QTMAN: variants seen among roughly 807,000 people sequenced by gnomAD.
The protein encoded by QTMAN is queuosine-tRNA mannosyltransferase, also known as tRNA-queuosine alpha-mannosyltransferase.
At chr2:144,265,554 G>T in the QTMAN span, among the ~76,000 whole-genome samples, 1 of 151,892 alleles carries the variant, frequency 6.6e-6, no homozygotes, top group African/African-American at 2.4e-5. Context: ...AAAATTAGCC[G>T]GGGGTGGTGG....
the QTMAN span, among the ~76,000 whole-genome samples, chr2:144,058,437 C>T: frequency 6.6e-6 from 1 of 152,000 alleles, no homozygotes; most frequent in South Asian, 2.1e-4. Context: ...TTTCTTAACC[C>T]AGCATATTGT....
chr2:144,321,276 C>T, the QTMAN span, among the ~76,000 whole-genome samples: 6 of 152,320 alleles, frequency 3.9e-5, no homozygotes, highest in African/African-American at 1.4e-4. Flanking sequence ...CTCTTGCTGT[C>T]ACTAAAGCTT....
At chr2:143,970,605 G>A in the QTMAN span, 13 of 939,722 alleles carry the variant, frequency 1.4e-5, no homozygotes, top group East Asian at 2.4e-5. Flanking sequence ...ACGTTGTAGA[G>A]CTTATGTCAT....
the QTMAN span, among the ~76,000 whole-genome samples, chr2:144,251,242 T>C: frequency 6.6e-6 from 1 of 152,202 alleles, no homozygotes; most frequent in Non-Finnish European, 1.5e-5. Flanking sequence ...ATAACTTGTT[T>C]CTCAAATCTT....
chr2:144,099,039 T>TA, the QTMAN span, among the ~76,000 whole-genome samples: 1 of 152,178 alleles, frequency 6.6e-6, no homozygotes, highest in Non-Finnish European at 1.5e-5. Flanking sequence ...AATCTCCATA[T>TA]ATAAGCACCT....
At chr2:144,325,429 T>C in the QTMAN span, among the ~76,000 whole-genome samples, 2 of 151,690 alleles carry the variant, frequency 1.3e-5, no homozygotes, top group African/African-American at 2.4e-5. Context: ...TAGAGCAACT[T>C]TGCCTCCCCC....
the QTMAN span, among the ~76,000 whole-genome samples, chr2:144,085,036 C>T: frequency 3.9e-5 from 6 of 152,116 alleles, no homozygotes; most frequent in Non-Finnish European, 7.3e-5. Context: ...AACATTTGAC[C>T]GCTCTTTGAG....
the QTMAN span, among the ~76,000 whole-genome samples, chr2:144,327,697 A>G: frequency 2.0e-5 from 3 of 152,182 alleles, no homozygotes; most frequent in Non-Finnish European, 2.9e-5. Context: ...TCCAGAAAAC[A>G]GTATCACAGG....
At chr2:144,286,081 C>T in the QTMAN span, among the ~76,000 whole-genome samples, 2 of 152,156 alleles carry the variant, frequency 1.3e-5, no homozygotes, top group Non-Finnish European at 2.9e-5. Flanking sequence ...AGAAGACAGC[C>T]AACACACTAA....
At chr2:143,978,602 G>T in the QTMAN span, among the ~76,000 whole-genome samples, 3 of 152,190 alleles carry the variant, frequency 2.0e-5, no homozygotes, top group African/African-American at 4.8e-5. Context: ...GGTGGGCCAT[G>T]AAGTGTCTTA....
At chr2:144,030,945 T>C in the QTMAN span, among the ~76,000 whole-genome samples, 1 of 152,192 alleles carries the variant, frequency 6.6e-6, no homozygotes, top group Non-Finnish European at 1.5e-5. Flanking sequence ...AGGCATGTTG[T>C]CTTCCTACAG....
chr2:144,048,312 G>A, the QTMAN span, among the ~76,000 whole-genome samples: 1 of 152,174 alleles, frequency 6.6e-6, no homozygotes. Context: ...GGAGTAGCTC[G>A]TGACAATTAC....
chr2:144,127,352 T>C, the QTMAN span, among the ~76,000 whole-genome samples: 1 of 151,940 alleles, frequency 6.6e-6, no homozygotes, highest in Non-Finnish European at 1.5e-5. Flanking sequence ...GAAAGGGTCA[T>C]GAGTATCCCA....
At chr2:144,095,387 C>G in the QTMAN span, among the ~76,000 whole-genome samples, 2 of 152,118 alleles carry the variant, frequency 1.3e-5, no homozygotes, top group Non-Finnish European at 2.9e-5. Flanking sequence ...ATTTGCACAC[C>G]TATATTCTCA....
the QTMAN span, among the ~76,000 whole-genome samples, chr2:144,018,919 GATAACTACAAGTTAGCC>G: frequency 2.0e-5 from 3 of 152,182 alleles, no homozygotes; most frequent in Admixed American, 2.0e-4. Flanking sequence ...TGACCTCCAT[GATAACTACAAGTTAGCC>G]AGGTATGGGA....
the QTMAN span, among the ~76,000 whole-genome samples, chr2:144,061,667 C>G: frequency 3.9e-4 from 59 of 152,158 alleles, no homozygotes; most frequent in African/African-American, 1.3e-3. Flanking sequence ...AAGGGCTGGG[C>G]TCCTGGCTAA....
At chr2:144,014,293 G>A in the QTMAN span, among the ~76,000 whole-genome samples, 2 of 152,146 alleles carry the variant, frequency 1.3e-5, no homozygotes, top group Admixed American at 6.5e-5. Context: ...GATGCACACT[G>A]CACAAATGCT....
the QTMAN span, among the ~76,000 whole-genome samples, chr2:144,002,828 C>T: frequency 1.3e-5 from 2 of 151,876 alleles, no homozygotes; most frequent in Non-Finnish European, 1.5e-5. Context: ...AGAATATCTA[C>T]AATAATCTGA....
the QTMAN span, chr2:144,208,753 T>C: frequency 3.8e-4 from 611 of 1,613,644 alleles, 1 homozygote; most frequent in South Asian, 1.3e-3. Context: ...GGAGCCTCCA[T>C]AGAATGCTTC....
Sources: allele counts gnomAD v4.1 joint callset (sites outside exome capture counted in the v4.1 genomes callset), GRCh38; gene constraint gnomAD v4.1.1; transcripts MANE v1.5; gene names NCBI Gene and HGNC (gene_info 2026-07-23, HGNC 2026-07-21).